Variants in PRICKLE2 observed in about 807,000 individuals in gnomAD.
The protein encoded by PRICKLE2 is prickle planar cell polarity protein 2.
In PRICKLE2, 21 loss-of-function variants were observed where a neutral mutation model predicts 81.4. The observed-to-expected ratio is 0.26, with a 90% CI of 0.18 to 0.37. PRICKLE2 has a LOEUF of 0.37. Among genes scored for constraint, PRICKLE2 ranks in the 10% least tolerant of loss-of-function variants. The pLI, the probability that PRICKLE2 is intolerant of heterozygous loss-of-function variation, is 1.00. For synonymous variants in PRICKLE2, 456 were observed against 421.5 expected, an observed-to-expected ratio of 1.08 and a Z score of -1.00; for missense variants, 940 against 1,109.0, an observed-to-expected ratio of 0.85 and a Z score of 2.16.
chr3:64,184,722 G>A lies in PRICKLE2; in HGVS notation c.144+14062C>T, dbSNP rs897057705. Among the ~76,000 whole-genome samples the A allele has an allele frequency of 4.6e-5, 7 of 152,202 alleles. No individual in the cohort carries two copies. In the East Asian group the frequency reaches 7.7e-4, roughly 17 times the overall value. The stretch of plus-strand genomic sequence containing the variant: ...CCTAGACTCAAGCCATCATTCAAGC[G>A]ATCCTCCTGTCTCAGGCTCCAAGTA... On this transcript the variant is annotated intron_variant, in intron 2 of 7. Transcript: ENST00000638394.
rs2077715556 is a variant in PRICKLE2 at position 64,160,530 on chromosome 3, G to T, written c.259-453C>A. Reference sequence around the variant, plus strand: ...ACTCTAAGTCAGTGAGCCAGAGCAGGTGTCCACGTGCTCACAGCTTCTGTT... The same window carrying T: ...ACTCTAAGTCAGTGAGCCAGAGCAGTTGTCCACGTGCTCACAGCTTCTGTT... On this transcript the variant is annotated intron_variant, in intron 3 of 7. Coordinates refer to ENST00000638394, the MANE Select transcript of PRICKLE2 (RefSeq NM_198859.4). Among the ~76,000 whole-genome samples, 8 of 152,184 alleles carry T rather than the reference G, an allele frequency of 5.3e-5. No individual in the cohort carries two copies. The South Asian group carries it at 1.2e-3, about 24-fold the overall frequency.
intron 1 of PRICKLE2, among the ~76,000 whole-genome samples, chr3:64,203,959 C>T (rs1217913451): frequency 1.3e-5 from 2 of 152,022 alleles, no homozygotes; most frequent in African/African-American, 2.4e-5. Context: ...GCCTGGGTGA[C>T]AGAGCGAGAT....
At chr3:64,182,441 C>A (rs1424014220) in intron 2 of PRICKLE2, among the ~76,000 whole-genome samples, 3 of 151,506 alleles carry the variant, frequency 2.0e-5, no homozygotes, top group African/African-American at 7.3e-5. Context: ...GCTGCAGTGA[C>A]CTATAATTGC....
intron 2 of PRICKLE2, among the ~76,000 whole-genome samples, chr3:64,266,916 G>T (rs1559612556): frequency 1.3e-5 from 2 of 150,386 alleles, no homozygotes; most frequent in Non-Finnish European, 2.9e-5. Flanking sequence ...AATTTTGGAA[G>T]GCATGTCTTC....
chr3:64,248,070 A>C (rs562244848), intron 2 of PRICKLE2, among the ~76,000 whole-genome samples: 1 of 152,316 alleles, frequency 6.6e-6, no homozygotes, highest in African/African-American at 2.4e-5. Context: ...ACTCACTGAA[A>C]ATTTTTGCAG....
chr3:64,224,405 A>G (rs780240619), intron 1 of PRICKLE2, among the ~76,000 whole-genome samples: 2 of 152,204 alleles, frequency 1.3e-5, no homozygotes, highest in Non-Finnish European at 2.9e-5. Flanking sequence ...CTATGCAGTC[A>G]TATTCTGAAG....
chr3:64,118,857 C>T (rs1376612693), intron 7 of PRICKLE2, among the ~76,000 whole-genome samples: 3 of 81,134 alleles, frequency 3.7e-5, no homozygotes, highest in East Asian at 4.7e-4. Flanking sequence ...ACCATTCAAC[C>T]CAGCAAATAA....
chr3:64,181,306 C>T (rs2107080815), intron 2 of PRICKLE2, among the ~76,000 whole-genome samples: 1 of 152,204 alleles, frequency 6.6e-6, no homozygotes, highest in South Asian at 2.1e-4. Flanking sequence ...CACTCAGCAT[C>T]AATGAGGCTC....
chr3:64,122,201 G>C (rs1189971996), intron 7 of PRICKLE2, among the ~76,000 whole-genome samples: 1 of 152,132 alleles, frequency 6.6e-6, no homozygotes, highest in Non-Finnish European at 1.5e-5. Context: ...TTGACAGAAA[G>C]GAACATAAAT....
chr3:64,161,715 TAAA>T lies in PRICKLE2; in HGVS notation c.258+1298_258+1300del, dbSNP rs10715000. 8.2e-3 allele frequency among the ~76,000 whole-genome samples: 972 copies of T among 118,024 alleles called. 12 individuals carry two copies. The highest frequency in any genetic ancestry group is 0.028 in the African/African-American group (915 of 32,972). The allele number at this position is 118,024 out of a possible 152,430, so 77.4% of individuals were successfully genotyped here. On this transcript the variant is annotated intron_variant, in intron 3 of 7. Transcript: ENST00000638394. ...CTTCTCTCTGTCAAATAAAAAGAGTTAAAAAAAAAAAAAAAAAAAAGTCTCCAT... is the reference window on the plus strand; with the variant it reads ...CTTCTCTCTGTCAAATAAAAAGAGTTAAAAAAAAAAAAAAAAAGTCTCCAT...
intron 2 of PRICKLE2, among the ~76,000 whole-genome samples, chr3:64,196,524 G>C (rs140739942): frequency 6.6e-6 from 1 of 152,212 alleles, no homozygotes; most frequent in East Asian, 1.9e-4. Context: ...AAACACTCTC[G>C]TTCTTCTTAA....
chr3:64,257,919 A>G (rs1375695804), intron 2 of PRICKLE2, among the ~76,000 whole-genome samples: 1 of 152,148 alleles, frequency 6.6e-6, no homozygotes, highest in Non-Finnish European at 1.5e-5. Context: ...CTCTTATAAA[A>G]GAGACCCCAA....
intron 3 of PRICKLE2, among the ~76,000 whole-genome samples, chr3:64,161,827 A>T (rs1432268060): frequency 1.3e-5 from 2 of 152,128 alleles, no homozygotes; most frequent in African/African-American, 4.8e-5. Flanking sequence ...ACATGCTTTC[A>T]AAGGAAGGCA....
At chr3:64,252,008 C>G (rs1204768145) in intron 2 of PRICKLE2, among the ~76,000 whole-genome samples, 1 of 152,154 alleles carries the variant, frequency 6.6e-6, no homozygotes. Flanking sequence ...TACTGCCTGT[C>G]TGGTCAGACC....
intron 7 of PRICKLE2, chr3:64,105,878 T>C (rs1265864451): frequency 6.6e-6 from 1 of 152,236 alleles, no homozygotes; most frequent in African/African-American, 2.4e-5. Flanking sequence ...ATCAGTAAGA[T>C]GGGCATAATG....
At chr3:64,181,946 T>A (rs1044465253) in intron 2 of PRICKLE2, among the ~76,000 whole-genome samples, 1 of 152,046 alleles carries the variant, frequency 6.6e-6, no homozygotes, top group African/African-American at 2.4e-5. Flanking sequence ...TCACAGAAGA[T>A]CACTATTAAG....
chr3:64,099,672 C>T lies in PRICKLE2; in HGVS notation c.1914G>A (p.Arg638=). 6.2e-7 allele frequency: 1 copy of T among 1,614,224 alleles called. No individual in the cohort carries two copies. The highest frequency in any genetic ancestry group is 1.1e-5 in the South Asian group (1 of 91,086). Residue 638 remains arginine (R), a synonymous_variant, in exon 8 of 8, where the codon AGG becomes AGA. Coordinates refer to ENST00000638394, the MANE Select transcript of PRICKLE2 (RefSeq NM_198859.4). This position sits in a 1 kb window ranked among gnomAD's most constrained non-coding sequence, Gnocchi z 4.3. ...CATCAAAATCAAAGCTCTGATGCAT[C>T]CTTCCGTGGGACTGCAGGTCTCTGT... ...IGYRDLQSHG[R]MHQSFDFDGG... is the part of the protein sequence containing the mutation.
intron 7 of PRICKLE2, among the ~76,000 whole-genome samples, chr3:64,126,992 C>T (rs2077118747): frequency 1.3e-5 from 2 of 152,170 alleles, no homozygotes; most frequent in Non-Finnish European, 2.9e-5. Context: ...TATCAAATGC[C>T]TACTATGCAT....
intron 2 of PRICKLE2, 136 bp from the exon 3 acceptor site, chr3:64,163,265 A>G: frequency 1.4e-6 from 1 of 727,630 alleles, no homozygotes; most frequent in South Asian, 1.4e-5. Flanking sequence ...AGTCAACAGC[A>G]GATGAGTTTC....
Sources: allele counts gnomAD v4.1 joint callset (sites outside exome capture counted in the v4.1 genomes callset), GRCh38; gene constraint gnomAD v4.1.1; non-coding constraint Gnocchi (gnomAD v3.1); transcripts MANE v1.5; gene names NCBI Gene and HGNC (gene_info 2026-07-23, HGNC 2026-07-21).